Variants in ATAD2B observed in about 807,000 individuals in gnomAD.
ATAD2B encodes ATPase family AAA domain containing 2B, also known as ATPase family AAA domain-containing protein 2B.
A neutral mutation model predicts 167.6 loss-of-function variants in ATAD2B; 40 were observed. That is an observed-to-expected ratio of 0.24 (90% CI 0.19 to 0.31). The LOEUF (loss-of-function observed/expected upper bound fraction) is 0.31. ATAD2B is among the 10% of genes least tolerant of loss of function. ATAD2B has a pLI of 1.00. For synonymous variants in ATAD2B, 579 were observed against 596.5 expected (o/e 0.97, Z 0.43); for missense variants, 1,242 against 1,757.2 (o/e 0.71, Z 5.24).
chr2:23,880,254 T>C (rs1573216719), intron 7 of ATAD2B, among the ~76,000 whole-genome samples: 1 of 152,318 alleles, frequency 6.6e-6, no homozygotes. Flanking sequence ...TTCAGTTGCA[T>C]GTGTGTGCAC....
chr2:23,702,300 C>T, the ATAD2B span, among the ~76,000 whole-genome samples: 1 of 152,216 alleles, frequency 6.6e-6, no homozygotes. Context: ...TTACCTTAAA[C>T]ATGCTCTGAA....
At chr2:23,797,675 T>A (rs1682833015) in intron 19 of ATAD2B, among the ~76,000 whole-genome samples, 1 of 152,126 alleles carries the variant, frequency 6.6e-6, no homozygotes, top group Non-Finnish European at 1.5e-5. Flanking sequence ...GGGATCCAAG[T>A]CTAAACAAAA....
At chr2:23,906,989 T>C (rs1325841846) in intron 1 of ATAD2B, among the ~76,000 whole-genome samples, 1 of 149,836 alleles carries the variant, frequency 6.7e-6, no homozygotes, top group African/African-American at 2.5e-5. Context: ...GAGCTATATA[T>C]GACACACTCA....
chr2:23,705,114 T>C, the ATAD2B span, among the ~76,000 whole-genome samples: 1 of 152,242 alleles, frequency 6.6e-6, no homozygotes, highest in East Asian at 1.9e-4. Flanking sequence ...CAGAGCACAG[T>C]CTGACTACCC....
chr2:23,689,116 C>G, the ATAD2B span: 3 of 152,230 alleles, frequency 2.0e-5, no homozygotes, highest in Non-Finnish European at 4.4e-5. Context: ...TCTGGGGCCT[C>G]GCCTCCTCTT....
At chr2:23,924,194 A>G (rs1280821519) in intron 1 of ATAD2B, among the ~76,000 whole-genome samples, 2 of 152,226 alleles carry the variant, frequency 1.3e-5, no homozygotes, top group Non-Finnish European at 2.9e-5. Flanking sequence ...AAAAAAACAA[A>G]CAAACAAACA....
At chr2:23,803,097 A>T (rs1400085708) in intron 18 of ATAD2B, among the ~76,000 whole-genome samples, 1 of 152,184 alleles carries the variant, frequency 6.6e-6, no homozygotes, top group Admixed American at 6.5e-5. Context: ...ATTATATTTG[A>T]GGATGTCAGA....
At position 23,757,453 on chromosome 2, in the gene ATAD2B, T is replaced by C; in HGVS notation, c.4043A>G (p.Asp1348Gly). 6.6e-7 allele frequency: 1 copy of C among 1,516,578 alleles called. No individual in the cohort carries two copies. Among genetic ancestry groups the C allele is most frequent in the Non-Finnish European group, 8.8e-7 (1 of 1,137,922 alleles). 93.9% of individuals were successfully genotyped at this position (1,516,578 alleles called of 1,614,324 possible). A position where few individuals can be genotyped will look rare whatever the true frequency, so the allele number is the denominator to read the frequency against. Residue 1348 changes from aspartate to glycine, a missense_variant, in exon 25 of 28, where the codon GAT (aspartate) becomes GGT (glycine). Transcript: ENST00000238789. ...CAGTTCTGCATCTTTAACCTCCACA[T>C]CAGAGCCAGGTTCTAACTTCTCATT... is the stretch of plus-strand genomic sequence containing the variant. ...SNNEKLEPGS[D>G]VEVKDAELDK... is the part of the protein sequence containing the mutation.
At chr2:23,727,334 T>A in the ATAD2B span, among the ~76,000 whole-genome samples, 1 of 152,202 alleles carries the variant, frequency 6.6e-6, no homozygotes. Context: ...CTCAACGTCA[T>A]ATGTCATTAG....
chr2:23,895,418 ATG>A (rs1422755747), intron 2 of ATAD2B, among the ~76,000 whole-genome samples: 1 of 152,112 alleles, frequency 6.6e-6, no homozygotes, highest in African/African-American at 2.4e-5. Context: ...AGATGAAAAG[ATG>A]TCTTTTAAAA....
intron 21 of ATAD2B, among the ~76,000 whole-genome samples, chr2:23,785,206 G>C (rs1004113708): frequency 6.6e-5 from 10 of 151,752 alleles, no homozygotes; most frequent in African/African-American, 2.4e-4. Context: ...TCACAATTAG[G>C]ATACAACATT....
At chr2:23,806,509 T>C (rs1684413878) in intron 18 of ATAD2B, among the ~76,000 whole-genome samples, 1 of 152,202 alleles carries the variant, frequency 6.6e-6, no homozygotes, top group Non-Finnish European at 1.5e-5. Context: ...TAGGGCGCCC[T>C]AATGACACTT....
chr2:23,927,081 C>G lies in ATAD2B; in HGVS notation c.-311G>C. Reference sequence around the variant, plus strand: ...CCCCTTTCTCTCCCGTTCTCGCTCTCGAGCTCCGTGCGTCAAGGCTCCAGC... The same window carrying G: ...CCCCTTTCTCTCCCGTTCTCGCTCTGGAGCTCCGTGCGTCAAGGCTCCAGC... On this transcript the variant is annotated 5_prime_UTR_variant, in exon 1 of 28. Transcript: ENST00000238789. 1 of 312,302 alleles carries G rather than the reference C, an allele frequency of 3.2e-6. No individual in the cohort carries two copies. Among genetic ancestry groups the G allele is most frequent in the Middle Eastern group, 9.0e-4 (1 of 1,112 alleles). The allele number at this position is 312,302 out of a possible 1,614,324, so 19.3% of individuals were successfully genotyped here.
the ATAD2B span, among the ~76,000 whole-genome samples, chr2:23,716,617 A>C: frequency 6.6e-6 from 1 of 152,120 alleles, no homozygotes; most frequent in Non-Finnish European, 1.5e-5. Flanking sequence ...TAGCAGCCCC[A>C]CCCTGGTTTC....
the ATAD2B span, among the ~76,000 whole-genome samples, chr2:23,732,787 A>AT: frequency 6.6e-6 from 1 of 152,154 alleles, no homozygotes; most frequent in African/African-American, 2.4e-5. Context: ...ATCTTGACCC[A>AT]TTAATATCAC....
intron 8 of ATAD2B, 41 bp downstream of exon 8, chr2:23,875,788 A>G: frequency 1.5e-6 from 2 of 1,349,970 alleles, no homozygotes; most frequent in Non-Finnish European, 1.0e-6. Flanking sequence ...TTAGTCTCTC[A>G]TTGACAAATG....
intron 17 of ATAD2B, among the ~76,000 whole-genome samples, chr2:23,814,820 C>A (rs141375503): frequency 0.026 from 3,914 of 151,796 alleles, 69 homozygotes; most frequent in South Asian, 0.045. Flanking sequence ...TTTGGGAGGC[C>A]AAGGCGGGCA....
intron 8 of ATAD2B, among the ~76,000 whole-genome samples, chr2:23,874,258 C>T (rs115689703): frequency 0.044 from 6,568 of 150,808 alleles, 204 homozygotes; most frequent in Middle Eastern, 0.094. Context: ...AAACCATATA[C>T]AAAAATTAAG....
chr2:23,848,355 C>A (rs575246782), intron 13 of ATAD2B, among the ~76,000 whole-genome samples: 16 of 152,180 alleles, frequency 1.1e-4, no homozygotes, highest in African/African-American at 3.9e-4. Context: ...TGGCGTGCAC[C>A]TGCAATTCCA....
Sources: gnomAD v4.1 joint callset for allele counts (sites outside exome capture counted in the v4.1 genomes callset) on GRCh38, gnomAD v4.1.1 for gene constraint, MANE v1.5 for transcripts, NCBI Gene and HGNC (gene_info 2026-07-23, HGNC 2026-07-21) for gene names.